Variants in FAM135B observed in about 807,000 individuals in gnomAD.
FAM135B encodes the protein protein FAM135B.
FAM135B carries 43 observed loss-of-function variants against 127.7 expected under a neutral mutation model. The ratio of observed to expected loss-of-function variants is 0.34; its 90% confidence interval spans 0.26 to 0.43. The LOEUF (loss-of-function observed/expected upper bound fraction) is 0.43, where lower values mean the gene tolerates loss of function less well. Ranked by LOEUF, FAM135B falls within the 20% of genes least tolerant of loss-of-function variation. The probability of loss-of-function intolerance (pLI) is 1.00; values close to 1 mark genes in which losing one functional copy is unlikely to be tolerated. For synonymous variants in FAM135B, 670 were observed against 665.1 expected, an observed-to-expected ratio of 1.01 and a Z score of -0.11; for missense variants, 1,558 against 1,725.6, an observed-to-expected ratio of 0.90 and a Z score of 1.72.
chr8:138,489,279 C>A (rs2131694340), intron 1 of FAM135B, among the ~76,000 whole-genome samples: 1 of 152,304 alleles, frequency 6.6e-6, no homozygotes, highest in South Asian at 2.1e-4. Context: ...GCAGCAAAGC[C>A]AATCCATCAG....
chr8:138,158,020 G>T lies in FAM135B; in HGVS notation c.1259-4804C>A, dbSNP rs538489323. On this transcript the variant is annotated intron_variant, in intron 12 of 19. Coordinates refer to ENST00000395297, the MANE Select transcript of FAM135B (RefSeq NM_015912.4). ...ATCCTAAGACAAAAGAACAAAGCTG[G>T]AGGCATCACACTACCTGACTTCAAG... Among the ~76,000 whole-genome samples the T allele has an allele frequency of 2.8e-4, 42 of 152,248 alleles. No homozygotes were observed. The South Asian group carries it at 8.3e-3, about 30-fold the overall frequency.
At chr8:138,293,702 C>T (rs1266462418) in intron 3 of FAM135B, among the ~76,000 whole-genome samples, 1 of 152,040 alleles carries the variant, frequency 6.6e-6, no homozygotes, top group African/African-American at 2.4e-5. Context: ...TGAGATACCA[C>T]CTTACCCCTG....
rs557719866 is a variant in FAM135B, at chr8:138,278,553, ATTTTTTTTTTTT to A, written c.158-12723_158-12712del. On this transcript the variant is annotated intron_variant, in intron 3 of 19. Transcript: ENST00000395297. ...TAATTTTTCCTATTATAAGAACATG[ATTTTTTTTTTTT>A]TTTTTTTTTTTTTTTTGAGGCAGAG... 8.3e-5 allele frequency among the ~76,000 whole-genome samples: 5 copies of A among 60,472 alleles called. No individual in the cohort carries two copies. In the East Asian group the frequency reaches 2.1e-3, roughly 26 times the overall value. The allele number at this position is 60,472 out of a possible 152,430, so 39.7% of individuals were successfully genotyped here.
intron 3 of FAM135B, among the ~76,000 whole-genome samples, chr8:138,295,310 A>C (rs2130814183): frequency 6.6e-6 from 1 of 151,880 alleles, no homozygotes; most frequent in South Asian, 2.1e-4. Context: ...TCTCTCGGTG[A>C]CTTTGACATT....
chr8:138,307,638 A>G (rs1233958907), intron 3 of FAM135B, among the ~76,000 whole-genome samples: 1 of 150,702 alleles, frequency 6.6e-6, no homozygotes, highest in Non-Finnish European at 1.5e-5. Context: ...TATTTTTCCC[A>G]TTTTGTATCA....
chr8:138,419,398 C>T (rs80014329), intron 1 of FAM135B, among the ~76,000 whole-genome samples: 2,486 of 152,154 alleles, frequency 0.016, 30 homozygotes, highest in African/African-American at 0.04. Flanking sequence ...AATAGCCACA[C>T]AATAATAATA....
intron 7 of FAM135B, among the ~76,000 whole-genome samples, chr8:138,228,930 G>A (rs1819689018): frequency 6.6e-6 from 1 of 152,188 alleles, no homozygotes; most frequent in Non-Finnish European, 1.5e-5. Context: ...AAATAGGTAT[G>A]AAGTAACCTG....
chr8:138,476,922 G>A (rs1814493031), intron 1 of FAM135B, among the ~76,000 whole-genome samples: 1 of 152,138 alleles, frequency 6.6e-6, no homozygotes, highest in African/African-American at 2.4e-5. Context: ...TCCTTACTTT[G>A]GGTTTTCCCG....
intron 8 of FAM135B, among the ~76,000 whole-genome samples, chr8:138,196,683 G>A (rs1816658995): frequency 6.6e-6 from 1 of 152,182 alleles, no homozygotes; most frequent in Non-Finnish European, 1.5e-5. Flanking sequence ...ATGTTGAAAT[G>A]GGTGTTATCG....
intron 11 of FAM135B, among the ~76,000 whole-genome samples, chr8:138,174,029 C>T (rs1814185367): frequency 6.6e-6 from 1 of 152,192 alleles, no homozygotes; most frequent in Non-Finnish European, 1.5e-5. Flanking sequence ...CCAGTGCAAT[C>T]ACATACTCCC....
At chr8:138,146,831 C>G (rs1011315455) in intron 14 of FAM135B, among the ~76,000 whole-genome samples, 1 of 152,118 alleles carries the variant, frequency 6.6e-6, no homozygotes, top group African/African-American at 2.4e-5. Flanking sequence ...GTTCCCTGTA[C>G]AGTTGAAAGT....
rs79596665 is a variant in FAM135B at position 138,463,900 on chromosome 8, A to G, written c.-20+32771T>C. ...TTGATGGGCAGTAATTACCATTATTAAAATAACCAACATGTATAGGGCACT... is the reference window on the plus strand; with the variant it reads ...TTGATGGGCAGTAATTACCATTATTGAAATAACCAACATGTATAGGGCACT... On this transcript the variant is annotated intron_variant, in intron 1 of 19. Coordinates refer to ENST00000395297, the MANE Select transcript of FAM135B (RefSeq NM_015912.4). 4.4e-3 allele frequency among the ~76,000 whole-genome samples: 668 copies of G among 152,336 alleles called. 1 individual carries two copies. The highest frequency in any genetic ancestry group is 0.015 in the African/African-American group (638 of 41,576).
chr8:138,395,575 G>C (rs1005466453), intron 1 of FAM135B, among the ~76,000 whole-genome samples: 2 of 152,154 alleles, frequency 1.3e-5, no homozygotes, highest in Admixed American at 1.3e-4. Context: ...GATTAATTTA[G>C]TCTTTCTAGG....
chr8:138,445,187 G>C (rs1167887316), intron 1 of FAM135B, among the ~76,000 whole-genome samples: 1 of 152,118 alleles, frequency 6.6e-6, no homozygotes, highest in Non-Finnish European at 1.5e-5. Context: ...AAAAAGTCCA[G>C]GACCAGACGG....
intron 1 of FAM135B, among the ~76,000 whole-genome samples, chr8:138,478,264 C>T (rs1004467080): frequency 3.3e-5 from 5 of 152,088 alleles, no homozygotes; most frequent in Admixed American, 6.6e-5. Context: ...TGTTAACAAG[C>T]GCCCCTGAAA....
At chr8:138,254,286 C>G (rs895732334) in intron 5 of FAM135B, among the ~76,000 whole-genome samples, 2 of 152,194 alleles carry the variant, frequency 1.3e-5, no homozygotes, top group Admixed American at 1.3e-4. Context: ...TAAAGGCTCT[C>G]CATTAACTAC....
chr8:138,316,235 G>C (rs933007309), intron 2 of FAM135B, among the ~76,000 whole-genome samples: 1 of 152,114 alleles, frequency 6.6e-6, no homozygotes. Context: ...GGCCGGGCGC[G>C]GTGGCTCACG....
At chr8:138,259,875 T>G (rs1403064342) in intron 4 of FAM135B, among the ~76,000 whole-genome samples, 2 of 152,172 alleles carry the variant, frequency 1.3e-5, no homozygotes, top group East Asian at 3.9e-4. Flanking sequence ...TTGTTGGAGT[T>G]CAATCAGGCT....
At chr8:138,277,291 G>A (rs994735876) in intron 3 of FAM135B, among the ~76,000 whole-genome samples, 2 of 152,118 alleles carry the variant, frequency 1.3e-5, no homozygotes, top group African/African-American at 4.8e-5. Flanking sequence ...TACACAGTCT[G>A]TCTGTGCATG....
Sources: gnomAD v4.1 joint callset for allele counts (sites outside exome capture counted in the v4.1 genomes callset) on GRCh38, gnomAD v4.1.1 for gene constraint, MANE v1.5 for transcripts, NCBI Gene and HGNC (gene_info 2026-07-23, HGNC 2026-07-21) for gene names.